Variants in FAF1 observed in about 807,000 individuals in gnomAD.
FAF1 encodes the protein Fas associated factor 1.
In FAF1, 25 loss-of-function variants were observed where a neutral mutation model predicts 92.5. The observed-to-expected ratio is 0.27, with a 90% CI of 0.20 to 0.38. The LOEUF (loss-of-function observed/expected upper bound fraction) is 0.38. Among genes scored for constraint, FAF1 ranks in the 10% least tolerant of loss-of-function variants. FAF1 has a pLI of 1.00. For missense variants in FAF1, 636 were observed against 793.3 expected, an observed-to-expected ratio of 0.80 and a Z score of 2.38; for synonymous variants, 234 against 273.2, an observed-to-expected ratio of 0.86 and a Z score of 1.42.
chr1:50,726,240 A>G (rs1658644672), intron 6 of FAF1, among the ~76,000 whole-genome samples: 1 of 152,128 alleles, frequency 6.6e-6, no homozygotes, highest in Non-Finnish European at 1.5e-5. Context: ...TGGGTGACAG[A>G]GCAAGACTCA....
At chr1:50,896,586 A>T (rs911495264) in intron 1 of FAF1, among the ~76,000 whole-genome samples, 1 of 152,228 alleles carries the variant, frequency 6.6e-6, no homozygotes, top group Non-Finnish European at 1.5e-5. Context: ...GTGCAACAGA[A>T]TATCACTCAT....
At chr1:50,663,521 G>A (rs1317079240) in intron 7 of FAF1, among the ~76,000 whole-genome samples, 2 of 149,216 alleles carry the variant, frequency 1.3e-5, no homozygotes, top group African/African-American at 5.0e-5. Flanking sequence ...TTCTGCCTCA[G>A]CCTCCCAACT....
chr1:50,526,795 C>G (rs893309673), intron 15 of FAF1, among the ~76,000 whole-genome samples: 3 of 152,048 alleles, frequency 2.0e-5, no homozygotes, highest in African/African-American at 7.2e-5. Flanking sequence ...TACATTCCCA[C>G]TAGCAGCCAA....
At chr1:50,657,082 C>T (rs1333347823) in intron 7 of FAF1, among the ~76,000 whole-genome samples, 1 of 151,694 alleles carries the variant, frequency 6.6e-6, no homozygotes, top group Non-Finnish European at 1.5e-5. Flanking sequence ...CATGGTGGCT[C>T]ATGCCTGTAG....
At chr1:50,664,653 G>C (rs1413536323) in intron 7 of FAF1, among the ~76,000 whole-genome samples, 1 of 152,170 alleles carries the variant, frequency 6.6e-6, no homozygotes, top group Admixed American at 6.5e-5. Context: ...AATTAGCCAG[G>C]CATGGTGGCG....
At chr1:50,767,264 A>C (rs1660610360) in intron 4 of FAF1, among the ~76,000 whole-genome samples, 1 of 152,168 alleles carries the variant, frequency 6.6e-6, no homozygotes, top group Non-Finnish European at 1.5e-5. Flanking sequence ...GACTAAAATT[A>C]AAAAGACTCA....
intron 1 of FAF1, among the ~76,000 whole-genome samples, chr1:50,921,577 C>T (rs943502890): frequency 6.6e-6 from 1 of 151,988 alleles, no homozygotes; most frequent in Non-Finnish European, 1.5e-5. Flanking sequence ...GCCTGGGTAA[C>T]ATGGTGAAAT....
chr1:50,864,370 T>C (rs1644462419), intron 1 of FAF1, among the ~76,000 whole-genome samples: 1 of 151,956 alleles, frequency 6.6e-6, no homozygotes, highest in South Asian at 2.1e-4. Flanking sequence ...TACACACTGC[T>C]TTGAATGTGT....
At chr1:50,920,787 A>G (rs1421837139) in intron 1 of FAF1, among the ~76,000 whole-genome samples, 5 of 152,230 alleles carry the variant, frequency 3.3e-5, no homozygotes, top group African/African-American at 1.2e-4. Flanking sequence ...ACATCTATGA[A>G]AAACCTATAG....
intron 1 of FAF1, among the ~76,000 whole-genome samples, chr1:50,869,842 C>T (rs1402869699): frequency 6.6e-6 from 1 of 152,104 alleles, no homozygotes; most frequent in African/African-American, 2.4e-5. Flanking sequence ...AACATATCTA[C>T]CTTAAAGTCT....
intron 2 of FAF1, among the ~76,000 whole-genome samples, chr1:50,816,205 CTT>C (rs1167616418): frequency 3.7e-5 from 4 of 106,668 alleles, no homozygotes; most frequent in Admixed American, 1.9e-4. Context: ...TTTCCTTTTT[CTT>C]TTTTTTTTTT....
At chr1:50,546,981 C>T (rs1034199742) in intron 13 of FAF1, among the ~76,000 whole-genome samples, 1 of 152,048 alleles carries the variant, frequency 6.6e-6, no homozygotes, top group East Asian at 1.9e-4. Flanking sequence ...CTCCGCCTCA[C>T]GGGCTCCAGT....
chr1:50,833,019 T>C (rs1052183801), intron 2 of FAF1, among the ~76,000 whole-genome samples: 1 of 152,134 alleles, frequency 6.6e-6, no homozygotes, highest in African/African-American at 2.4e-5. Flanking sequence ...TATGGCCTTT[T>C]TTTCCCCCTT....
intron 18 of FAF1, among the ~76,000 whole-genome samples, chr1:50,467,304 A>G (rs1646509131): frequency 6.6e-6 from 1 of 152,104 alleles, no homozygotes. Flanking sequence ...ACTGAGCTTC[A>G]TTTACACATT....
In FAF1 at chr1:50,944,357, C is replaced by A. The variant is rs112164717; in HGVS notation, c.45+15410G>T. 3.0e-3 allele frequency among the ~76,000 whole-genome samples: 455 copies of A among 152,158 alleles called. 4 individuals are homozygous for A. The highest frequency in any genetic ancestry group is 0.01 in the African/African-American group (429 of 41,534). On this transcript the variant is annotated intron_variant, in intron 1 of 18. Transcript: ENST00000396153. The stretch of plus-strand genomic sequence containing the variant: ...TTCTTTATGAGGAAGGCTTCAAGGG[C>A]GATTCTGAAAGAAAATGAACATTAA...
At chr1:50,475,730 G>C in intron 17 of FAF1, 51 bp from the exon 18 acceptor site, 1 of 1,248,314 alleles carries the variant, frequency 8.0e-7, no homozygotes, top group Non-Finnish European at 1.1e-6. Flanking sequence ...CTGGACTATG[G>C]AGAGTGGGGA....
At chr1:50,621,695 T>G (rs1417182083) in intron 8 of FAF1, among the ~76,000 whole-genome samples, 1 of 151,208 alleles carries the variant, frequency 6.6e-6, no homozygotes, top group Non-Finnish European at 1.5e-5. Flanking sequence ...GCACTGCACC[T>G]GGCCCAGCCC....
At chr1:50,601,954 A>G (rs1033491919) in intron 8 of FAF1, among the ~76,000 whole-genome samples, 1 of 152,114 alleles carries the variant, frequency 6.6e-6, no homozygotes, top group Non-Finnish European at 1.5e-5. Context: ...AAAACCTGTT[A>G]TGGGACCTTG....
At chr1:50,506,015 T>G (rs908182620) in intron 15 of FAF1, among the ~76,000 whole-genome samples, 1 of 152,216 alleles carries the variant, frequency 6.6e-6, no homozygotes, top group African/African-American at 2.4e-5. Flanking sequence ...GTCAAAGGTC[T>G]CAGAGCAGCC....
Sources: gnomAD v4.1 joint callset for allele counts (sites outside exome capture counted in the v4.1 genomes callset) on GRCh38, gnomAD v4.1.1 for gene constraint, MANE v1.5 for transcripts, NCBI Gene and HGNC (gene_info 2026-07-23, HGNC 2026-07-21) for gene names.